Variants in BAG3 observed in about 807,000 individuals in gnomAD.
BAG3 encodes BAG cochaperone 3.
BAG3 carries 14 observed loss-of-function variants against 40.5 expected under a neutral mutation model. The observed-to-expected ratio is 0.35, with a 90% CI of 0.23 to 0.54. The LOEUF is 0.54. Ranked by LOEUF, BAG3 falls within the 20% of genes least tolerant of loss-of-function variation. The probability of loss-of-function intolerance (pLI) is 0.91; values close to 1 mark genes in which losing one functional copy is unlikely to be tolerated. For missense variants in BAG3, 788 were observed against 758.6 expected (o/e 1.04, Z -0.46); for synonymous variants, 302 against 307.8 (o/e 0.98, Z 0.20).
chr10:119,668,478 C>T (rs1021301550), intron 1 of BAG3, among the ~76,000 whole-genome samples: 4 of 152,228 alleles, frequency 2.6e-5, no homozygotes, highest in Non-Finnish European at 5.9e-5. Flanking sequence ...TTAAGAGTTG[C>T]CTTACACAGA....
intron 1 of BAG3, among the ~76,000 whole-genome samples, chr10:119,655,938 T>G (rs986036630): frequency 1.3e-5 from 2 of 152,168 alleles, no homozygotes; most frequent in Admixed American, 1.3e-4. Context: ...TTGGATGCTA[T>G]CAGGGCTGCT....
chr10:119,675,956 C>A (rs1478520054), intron 3 of BAG3, among the ~76,000 whole-genome samples: 1 of 96,000 alleles, frequency 1.0e-5, no homozygotes, highest in Admixed American at 1.2e-4. Flanking sequence ...GACAGGATCT[C>A]GCTCTGTCAC....
intron 2 of BAG3, among the ~76,000 whole-genome samples, chr10:119,671,799 C>G (rs1847154126): frequency 6.6e-6 from 1 of 151,866 alleles, no homozygotes; most frequent in Admixed American, 6.6e-5. Flanking sequence ...TTTTGTTTTG[C>G]TTTGTTTGAG....
intron 1 of BAG3, among the ~76,000 whole-genome samples, chr10:119,653,193 T>A (rs1160317974): frequency 6.6e-6 from 1 of 152,228 alleles, no homozygotes. Flanking sequence ...TACGAGAGAT[T>A]AGTTGTATAT....
chr10:119,661,699 T>A (rs905223292), intron 1 of BAG3, among the ~76,000 whole-genome samples: 2 of 152,146 alleles, frequency 1.3e-5, no homozygotes, highest in African/African-American at 4.8e-5. Context: ...TATGATAGTT[T>A]ATAGAGTATG....
chr10:119,666,043 G>A (rs1299545310), intron 1 of BAG3, among the ~76,000 whole-genome samples: 1 of 152,076 alleles, frequency 6.6e-6, no homozygotes, highest in Non-Finnish European at 1.5e-5. Flanking sequence ...TGGACCTCAC[G>A]CACGGTGGAG....
rs114079560 is a variant in BAG3 at position 119,668,445 on chromosome 10, G to A, written c.181-1406G>A. Reference sequence around the variant, plus strand: ...GTTCGCCGTGCAGACAGCTGCCTTCGTCAGGAAAGATCACTCCCCTTCTTA... The same window carrying A: ...GTTCGCCGTGCAGACAGCTGCCTTCATCAGGAAAGATCACTCCCCTTCTTA... On this transcript the variant is annotated intron_variant, in intron 1 of 3. Coordinates refer to ENST00000369085, the MANE Select transcript of BAG3 (RefSeq NM_004281.4). Among the ~76,000 whole-genome samples, 513 of 152,328 alleles carry A rather than the reference G, an allele frequency of 3.4e-3. 6 individuals carry two copies. The highest frequency in any genetic ancestry group is 0.011 in the African/African-American group (476 of 41,566).
rs1846838247 is a variant in BAG3, at chr10:119,651,533, C to T, written c.-143C>T. 2.8e-6 allele frequency: 2 copies of T among 718,722 alleles called. No homozygotes were observed. The highest frequency in any genetic ancestry group is 3.1e-5 in the South Asian group (1 of 32,442). 44.5% of individuals were successfully genotyped at this position (718,722 alleles called of 1,614,324 possible). On this transcript the variant is annotated 5_prime_UTR_variant, in exon 1 of 4. Coordinates refer to ENST00000369085, the MANE Select transcript of BAG3 (RefSeq NM_004281.4). ...CCCTCTCTGGCCACGTCACCCCCGC[C>T]TTTAATTCATAAAGGTGCCCGGCGC...
At chr10:119,670,514 G>T (rs886757894) in intron 2 of BAG3, among the ~76,000 whole-genome samples, 2 of 152,248 alleles carry the variant, frequency 1.3e-5, no homozygotes, top group African/African-American at 4.8e-5. Context: ...AGCCTGGCCT[G>T]CCTTCTGGCG....
At chr10:119,673,626 C>A (rs1020963596) in intron 3 of BAG3, among the ~76,000 whole-genome samples, 3 of 152,208 alleles carry the variant, frequency 2.0e-5, no homozygotes, top group African/African-American at 7.2e-5. Context: ...CCCCCGTGAA[C>A]AAATGTGGGA....
Position 119,664,355 on chromosome 10 carries a change from A to G in BAG3, c.181-5496A>G, listed in dbSNP as rs196317. Among the ~76,000 whole-genome samples, 917 of 152,326 alleles carry G rather than the reference A, an allele frequency of 6.0e-3. 3 individuals carry two copies. Among genetic ancestry groups the G allele is most frequent in the Non-Finnish European group, 9.7e-3 (658 of 68,028 alleles). The stretch of plus-strand genomic sequence containing the variant: ...TCAGATTTTTCAGATTTTTAATGCA[A>G]TGCACAAACAAGGGGGCAGAATTAG... On this transcript the variant is annotated intron_variant, in intron 1 of 3. Coordinates refer to ENST00000369085, the MANE Select transcript of BAG3 (RefSeq NM_004281.4).
At chr10:119,669,732 G>A (rs1305598244) in intron 1 of BAG3, 119 bp from the exon 2 acceptor site, 22 of 1,061,492 alleles carry the variant, frequency 2.1e-5, no homozygotes, top group South Asian at 1.7e-4. Context: ...GCTGGCTGAC[G>A]CTTTGAGGCC....
rs528314344 is a variant in BAG3 at position 119,672,080 on chromosome 10, C to T, written c.508-175C>T. Among the ~76,000 whole-genome samples the T allele has an allele frequency of 1.2e-4, 19 of 152,314 alleles. No homozygotes were observed. In the South Asian group the frequency reaches 1.7e-3, roughly 13 times the overall value. ...CTGGGATTACAGGTGTGAGCCACCGCGCCCAGCCCCAGAGCTCTCAGTCTT... is the reference window on the plus strand; with the variant it reads ...CTGGGATTACAGGTGTGAGCCACCGTGCCCAGCCCCAGAGCTCTCAGTCTT... On this transcript the variant is annotated intron_variant, in intron 2 of 3. Coordinates refer to ENST00000369085, the MANE Select transcript of BAG3 (RefSeq NM_004281.4). The surrounding 1 kb of genome is among the most constrained non-coding windows in gnomAD (Gnocchi z 4.8).
At chr10:119,655,289 G>A (rs543300732) in intron 1 of BAG3, among the ~76,000 whole-genome samples, 2 of 152,304 alleles carry the variant, frequency 1.3e-5, no homozygotes, top group East Asian at 1.9e-4. Context: ...CTGGCAGTGC[G>A]AGAGTGGGGA....
At chr10:119,661,507 G>A (rs1458491501) in intron 1 of BAG3, among the ~76,000 whole-genome samples, 2 of 152,174 alleles carry the variant, frequency 1.3e-5, no homozygotes, top group Non-Finnish European at 2.9e-5. Flanking sequence ...CCGGGCTCAT[G>A]CTGGTTCATT....
At chr10:119,660,942 A>C (rs2134056774) in intron 1 of BAG3, among the ~76,000 whole-genome samples, 1 of 152,162 alleles carries the variant, frequency 6.6e-6, no homozygotes, top group Middle Eastern at 3.4e-3. Flanking sequence ...AAAAATACAA[A>C]ATTAGCTGGG....
intron 1 of BAG3, among the ~76,000 whole-genome samples, chr10:119,660,592 T>C (rs1029748528): frequency 2.0e-5 from 3 of 152,164 alleles, no homozygotes; most frequent in Admixed American, 2.0e-4. Flanking sequence ...ACACCTGTAA[T>C]CCCAGCACTT....
chr10:119,665,031 C>T (rs1245069167), intron 1 of BAG3, among the ~76,000 whole-genome samples: 2 of 150,772 alleles, frequency 1.3e-5, no homozygotes, highest in African/African-American at 4.9e-5. Flanking sequence ...GATTCTCCTG[C>T]CTCAGCCTCC....
intron 1 of BAG3, among the ~76,000 whole-genome samples, chr10:119,663,565 C>T (rs560235508): frequency 7.2e-4 from 109 of 152,294 alleles, no homozygotes; most frequent in Non-Finnish European, 5.6e-4. Context: ...CCACCCGCCT[C>T]GGCCTCCCAA....
Sources: allele counts gnomAD v4.1 joint callset (sites outside exome capture counted in the v4.1 genomes callset), GRCh38; gene constraint gnomAD v4.1.1; non-coding constraint Gnocchi (gnomAD v3.1); transcripts MANE v1.5; gene names NCBI Gene and HGNC (gene_info 2026-07-23, HGNC 2026-07-21).